Variants in NDEL1 observed in about 807,000 individuals in gnomAD.
NDEL1 encodes the protein nudE neurodevelopment protein 1 like 1.
Under a neutral mutation model 45.7 loss-of-function variants are expected in NDEL1, and 9 were observed. The ratio of observed to expected loss-of-function variants is 0.20; its 90% confidence interval spans 0.12 to 0.34. NDEL1 has a LOEUF of 0.34. Among genes scored for constraint, NDEL1 ranks in the 10% least tolerant of loss-of-function variants. The pLI is 1.00. For missense variants in NDEL1, 306 were observed against 406.2 expected (o/e 0.75, Z 2.12); for synonymous variants, 133 against 158.6 (o/e 0.84, Z 1.21).
chr17:8,473,269 C>T (rs1156279497), intron 3 of NDEL1, among the ~76,000 whole-genome samples: 1 of 151,152 alleles, frequency 6.6e-6, no homozygotes, highest in African/African-American at 2.4e-5. Flanking sequence ...TCACTGCAGC[C>T]TCCACCTCCC....
At chr17:8,428,246 C>T (rs1908887559) in intron 1 of NDEL1, among the ~76,000 whole-genome samples, 1 of 151,754 alleles carries the variant, frequency 6.6e-6, no homozygotes, top group Admixed American at 6.6e-5. Flanking sequence ...TCAGCAGGCA[C>T]TAAACTCCTT....
At chr17:8,438,342 A>G (rs1227336553) in intron 1 of NDEL1, among the ~76,000 whole-genome samples, 3 of 152,228 alleles carry the variant, frequency 2.0e-5, no homozygotes, top group Non-Finnish European at 4.4e-5. Context: ...TATGTTTTCT[A>G]TATTAGCTAA....
In NDEL1 at chr17:8,413,418, A is replaced by G. The variant is rs774817237; in HGVS notation, c.-13+149A>G. ...GTCAAAGGCTGAGGTCCATTTGGAAAGTTGGTTATGTCCCTGTGGCATGAG... is the reference window on the plus strand; with the variant it reads ...GTCAAAGGCTGAGGTCCATTTGGAAGGTTGGTTATGTCCCTGTGGCATGAG... On this transcript the variant is annotated intron_variant, in intron 1 of 4. Transcript: ENST00000582812. 3.3e-5 allele frequency: 5 copies of G among 152,388 alleles called. No homozygotes were observed. The South Asian group carries it at 1.0e-3, about 32-fold the overall frequency. The allele number at this position is 152,388 out of a possible 1,614,324, so 9.4% of individuals were successfully genotyped here.
chr17:8,423,210 C>T (rs896040199), intron 1 of NDEL1, among the ~76,000 whole-genome samples: 2 of 151,962 alleles, frequency 1.3e-5, no homozygotes, highest in African/African-American at 4.8e-5. Flanking sequence ...GACAAGTGAC[C>T]CCCCCTAGAG....
intron 7 of NDEL1, 55 bp downstream of exon 7, chr17:8,454,942 T>G: frequency 6.9e-7 from 1 of 1,445,782 alleles, no homozygotes; most frequent in South Asian, 1.2e-5. Flanking sequence ...ATTGAATTAT[T>G]TCTTAATTTG....
intron 1 of NDEL1, among the ~76,000 whole-genome samples, chr17:8,430,526 C>G (rs1908974467): frequency 6.6e-6 from 1 of 152,162 alleles, no homozygotes; most frequent in Non-Finnish European, 1.5e-5. Flanking sequence ...AGCCGGTCAA[C>G]CTCCACCCTT....
intron 3 of NDEL1, among the ~76,000 whole-genome samples, chr17:8,474,005 AGTGCGT>A (rs1489660235): frequency 1.3e-5 from 2 of 152,120 alleles, no homozygotes; most frequent in African/African-American, 4.8e-5. Flanking sequence ...TTCCCTTCCT[AGTGCGT>A]GTGCATCCTG....
At chr17:8,417,211 T>C (rs1370740585) in intron 1 of NDEL1, among the ~76,000 whole-genome samples, 3 of 151,934 alleles carry the variant, frequency 2.0e-5, no homozygotes, top group Admixed American at 6.6e-5. Flanking sequence ...CTGCCTCCCA[T>C]GTCGAAGTGA....
At chr17:8,447,140 A>G (rs1231703840) in intron 4 of NDEL1, among the ~76,000 whole-genome samples, 2 of 151,534 alleles carry the variant, frequency 1.3e-5, no homozygotes, top group East Asian at 1.9e-4. Flanking sequence ...GGTTGATCCT[A>G]TTGGTTTTGT....
At chr17:8,473,187 A>T (rs951117077) in intron 3 of NDEL1, among the ~76,000 whole-genome samples, 8 of 151,710 alleles carry the variant, frequency 5.3e-5, no homozygotes, top group Non-Finnish European at 1.2e-4. Context: ...GTAGGGAAGA[A>T]TTCTTTTTTT....
chr17:8,473,393 G>A (rs1486156971), intron 3 of NDEL1, among the ~76,000 whole-genome samples: 2 of 152,122 alleles, frequency 1.3e-5, no homozygotes, highest in Non-Finnish European at 2.9e-5. Flanking sequence ...CACCATGTTG[G>A]CCAGGCTGGA....
intron 1 of NDEL1, among the ~76,000 whole-genome samples, chr17:8,430,551 C>A (rs914543578): frequency 6.6e-6 from 1 of 152,214 alleles, no homozygotes; most frequent in African/African-American, 2.4e-5. Flanking sequence ...GTGGTGGAAT[C>A]TGGCCTCTGT....
At chr17:8,432,347 A>AATATATATATATATATATATTAT, upstream of NDEL1, among the ~76,000 whole-genome samples, 29 of 58,446 alleles carry the variant, frequency 5.0e-4, 1 homozygote, top group Admixed American at 8.3e-4. Context: ...ATTATATATA[A>AATATATATATATATATATATTAT]ATATAAATAT....
chr17:8,424,050 T>C (rs1412469886), intron 1 of NDEL1, among the ~76,000 whole-genome samples: 1 of 152,126 alleles, frequency 6.6e-6, no homozygotes, highest in Non-Finnish European at 1.5e-5. Flanking sequence ...ACATTTTTGA[T>C]AAAAATACAG....
At chr17:8,448,421 C>A in intron 4 of NDEL1, 129 bp from the exon 5 acceptor site, 1 of 940,890 alleles carries the variant, frequency 1.1e-6, no homozygotes, top group Non-Finnish European at 1.6e-6. Context: ...GGGGCAAGAT[C>A]ATCTTCTTTG....
At chr17:8,458,791 A>G (rs756806388) in intron 7 of NDEL1, among the ~76,000 whole-genome samples, 19 of 152,156 alleles carry the variant, frequency 1.2e-4, no homozygotes, top group Non-Finnish European at 2.8e-4. Context: ...CAGTGGTGCT[A>G]TCAAGGCTCA....
At chr17:8,453,335 C>T (rs1910638554) in intron 6 of NDEL1, among the ~76,000 whole-genome samples, 1 of 152,178 alleles carries the variant, frequency 6.6e-6, no homozygotes, top group African/African-American at 2.4e-5. Flanking sequence ...CTGATTAGCA[C>T]TCTGTGGAAA....
chr17:8,421,698 C>T lies in NDEL1; in HGVS notation c.-13+8429C>T, dbSNP rs114822206. Reference sequence around the variant, plus strand: ...TAGCAGCCACAGGAAACAAATACACCAGACCTTAGATGCCCATGAAGTGGT... The same window carrying T: ...TAGCAGCCACAGGAAACAAATACACTAGACCTTAGATGCCCATGAAGTGGT... On this transcript the variant is annotated intron_variant, in intron 1 of 4. Transcript: ENST00000582812. Among the ~76,000 whole-genome samples the T allele has an allele frequency of 9.7e-3, 1,478 of 152,288 alleles. 18 individuals carry two copies. The highest frequency in any genetic ancestry group is 0.033 in the African/African-American group (1,375 of 41,546).
At chr17:8,473,049 AG>A (rs1357438220), downstream of NDEL1, among the ~76,000 whole-genome samples, 5 of 152,318 alleles carry the variant, frequency 3.3e-5, no homozygotes, top group Admixed American at 3.3e-4. Context: ...TCAGTCAAGA[AG>A]GGACCCTTTT....
Sources: allele counts gnomAD v4.1 joint callset (sites outside exome capture counted in the v4.1 genomes callset), GRCh38; gene constraint gnomAD v4.1.1; transcripts MANE v1.5; gene names NCBI Gene and HGNC (gene_info 2026-07-23, HGNC 2026-07-21).